GPATCH1: variants seen among roughly 807,000 people sequenced by gnomAD.
GPATCH1 encodes the protein G patch domain-containing protein 1.
GPATCH1 carries 73 observed loss-of-function variants against 114.9 expected under a neutral mutation model. The ratio of observed to expected loss-of-function variants is 0.64; its 90% CI spans 0.53 to 0.77. The LOEUF is 0.77. Ranked by LOEUF, GPATCH1 falls within the 30% of genes least tolerant of loss-of-function variation. The pLI, the probability that GPATCH1 is intolerant of heterozygous loss-of-function variation, is 0.00. For synonymous variants in GPATCH1, 391 were observed against 428.4 expected, an observed-to-expected ratio of 0.91 and a Z score of 1.08; for missense variants, 1,058 against 1,144.3, an observed-to-expected ratio of 0.92 and a Z score of 1.09.
At chr19:33,101,364 T>C in intron 8 of GPATCH1, 131 bp from the exon 9 acceptor site, 1 of 633,102 alleles carries the variant, frequency 1.6e-6, no homozygotes, top group Non-Finnish European at 2.8e-6. Context: ...CCTTTACTGC[T>C]GCTGTTGAGT....
intron 9 of GPATCH1, among the ~76,000 whole-genome samples, chr19:33,103,760 T>G (rs1007050992): frequency 7.2e-5 from 11 of 152,104 alleles, no homozygotes; most frequent in African/African-American, 2.7e-4. Flanking sequence ...AAGCACTCAC[T>G]GGTCCTTAGG....
chr19:33,111,472 G>A (rs1037806847), intron 11 of GPATCH1, among the ~76,000 whole-genome samples: 1 of 150,216 alleles, frequency 6.7e-6, no homozygotes, highest in Non-Finnish European at 1.5e-5. Context: ...TGACCCACCC[G>A]CCTCGGCCTC....
At chr19:33,091,997 C>T (rs1972601612) in intron 3 of GPATCH1, among the ~76,000 whole-genome samples, 1 of 152,034 alleles carries the variant, frequency 6.6e-6, no homozygotes, top group Admixed American at 6.6e-5. Context: ...CCAGGTGGCA[C>T]ATCCAGGATG....
chr19:33,100,835 C>A (rs796071174), intron 8 of GPATCH1, among the ~76,000 whole-genome samples: 1 of 150,800 alleles, frequency 6.6e-6, no homozygotes, highest in East Asian at 2.0e-4. Context: ...TTCATTTATA[C>A]GGACTTTTGG....
chr19:33,082,099 G>GGTT, intron 1 of GPATCH1, among the ~76,000 whole-genome samples: 1 of 151,490 alleles, frequency 6.6e-6, no homozygotes, highest in Non-Finnish European at 1.5e-5. Context: ...AAGAGGTCAG[G>GGTT]AGATGATGGT....
chr19:33,089,328 A>G (rs1972569323), intron 2 of GPATCH1, among the ~76,000 whole-genome samples: 1 of 152,208 alleles, frequency 6.6e-6, no homozygotes, highest in Non-Finnish European at 1.5e-5. Flanking sequence ...CTCTTCAGAC[A>G]CTGGGGACCA....
At chr19:33,126,564 C>A (rs761771750) in intron 18 of GPATCH1, 24 bp from the exon 19 acceptor site, 1 of 1,610,762 alleles carries the variant, frequency 6.2e-7, no homozygotes, top group Non-Finnish European at 8.5e-7. Context: ...TTTGTTTTCC[C>A]CCACCACTAT....
chr19:33,112,178 C>G (rs1599862064), intron 12 of GPATCH1, among the ~76,000 whole-genome samples: 1 of 152,214 alleles, frequency 6.6e-6, no homozygotes, highest in Admixed American at 6.5e-5. Context: ...ATTGGCCAGG[C>G]TGGTCTTGAA....
intron 18 of GPATCH1, among the ~76,000 whole-genome samples, chr19:33,126,144 T>A (rs1973038219): frequency 6.6e-6 from 1 of 152,230 alleles, no homozygotes; most frequent in Non-Finnish European, 1.5e-5. Context: ...CTGTGTGTCC[T>A]TACCAGTGTA....
At chr19:33,120,846 C>G (rs980025259) in intron 17 of GPATCH1, among the ~76,000 whole-genome samples, 3 of 151,666 alleles carry the variant, frequency 2.0e-5, no homozygotes, top group African/African-American at 7.3e-5. Context: ...AAAAATTAGC[C>G]GGACGTGGTG....
chr19:33,126,400 G>A (rs986942470), intron 18 of GPATCH1, among the ~76,000 whole-genome samples, 188 bp from the exon 19 acceptor site: 4 of 152,162 alleles, frequency 2.6e-5, no homozygotes, highest in Admixed American at 1.3e-4. Flanking sequence ...GTCAGGGTGC[G>A]CAGTTGAGAG....
chr19:33,115,768 T>G (rs935237350), intron 15 of GPATCH1, among the ~76,000 whole-genome samples: 7 of 152,214 alleles, frequency 4.6e-5, no homozygotes, highest in African/African-American at 1.4e-4. Flanking sequence ...GTGCTGGGAT[T>G]ACAGGCATAA....
Position 33,090,849 on chromosome 19 carries a change from A to G in GPATCH1, c.278A>G (p.Asp93Gly). The G allele has an allele frequency of 1.2e-6, 2 of 1,611,634 alleles. No homozygotes were observed. The highest frequency in any genetic ancestry group is 1.7e-6 in the Non-Finnish European group (2 of 1,177,892). The change falls in exon 3 of 20, where the codon GAT becomes GGT. Residue 93 changes from aspartate to glycine, a missense_variant. By Grantham distance (94) the Asp-to-Gly change is moderately conservative. Around this residue, in one of 3 missense-constraint regions of GPATCH1, gnomAD observed 34 missense variants for 59.6 expected, o/e 0.57. Transcript: ENST00000170564. ...GACAAATCTGTTCTTGGTCCTGAAG[A>G]TTTTATGGATGAAGAGGTGCGTGTG... is the stretch of plus-strand genomic sequence containing the variant. ...RADKSVLGPE[D>G]FMDEEDLSEF...
At position 33,119,107 on chromosome 19, in the gene GPATCH1, C is replaced by T; in HGVS notation, c.2511C>T (p.Val837=). The T allele has an allele frequency of 6.2e-7, 1 of 1,601,066 alleles. No homozygotes were observed. Among genetic ancestry groups the T allele is most frequent in the South Asian group, 1.1e-5 (1 of 90,530 alleles). Residue 837 remains valine (V), a synonymous_variant, in exon 17 of 20, where the codon GTC becomes GTT. Transcript: ENST00000170564. Reference sequence around the variant, plus strand: ...AGTTCGGCCCGCGGCTGCCTCCCGTCTTCTGCCCCAGTGAGTGCAGAGCCC... The same window carrying T: ...AGTTCGGCCCGCGGCTGCCTCCCGTTTTCTGCCCCAGTGAGTGCAGAGCCC... ...REEFGPRLPP[V]FCPNARQTLE... is the part of the protein sequence containing the mutation.
intron 16 of GPATCH1, among the ~76,000 whole-genome samples, chr19:33,118,370 G>A (rs1972940083): frequency 6.6e-6 from 1 of 151,382 alleles, no homozygotes; most frequent in South Asian, 2.1e-4. Flanking sequence ...GTAGAGATGG[G>A]GTTTCACCAT....
chr19:33,113,865 C>G lies in GPATCH1; in HGVS notation c.1991C>G (p.Ala664Gly), dbSNP rs139888183. The G allele has an allele frequency of 1.2e-5, 19 of 1,613,984 alleles. No homozygotes were observed. Among genetic ancestry groups the G allele is most frequent in the Non-Finnish European group, 1.4e-5 (17 of 1,179,972 alleles). The change falls in exon 14 of 20, where the codon GCA becomes GGA. Residue 664 changes from alanine (A) to glycine (G), a missense_variant. Ala to Gly is a moderately conservative substitution (Grantham distance 60, BLOSUM62 0). This residue lies in a region of GPATCH1 where 893 missense variants were observed against 977.4 expected (regional missense o/e 0.91). Coordinates refer to ENST00000170564, the MANE Select transcript of GPATCH1 (RefSeq NM_018025.3). ...PETASLPTTQ[A>G]SSEKVSQHRG... ...ACAGCTTCCTTGCCCACCACTCAAG[C>G]ATCAAGTGAAAAAGTATCACAGCAC... is the stretch of plus-strand genomic sequence containing the variant.
chr19:33,120,774 G>A (rs2145337551), intron 17 of GPATCH1, among the ~76,000 whole-genome samples: 1 of 152,078 alleles, frequency 6.6e-6, no homozygotes, highest in African/African-American at 2.4e-5. Context: ...CAGATCACGA[G>A]ATCAGGAGAT....
intron 15 of GPATCH1, among the ~76,000 whole-genome samples, chr19:33,117,085 A>T (rs1298916168): frequency 6.6e-6 from 1 of 151,980 alleles, no homozygotes; most frequent in East Asian, 1.9e-4. Flanking sequence ...GGTCCCAGCT[A>T]CTCAAGGGGC....
intron 2 of GPATCH1, among the ~76,000 whole-genome samples, chr19:33,088,837 T>G (rs1314772945): frequency 2.6e-5 from 4 of 151,476 alleles, no homozygotes; most frequent in Non-Finnish European, 5.9e-5. Flanking sequence ...TTTTTGTGTT[T>G]ATAGAGACAG....
Sources: allele counts gnomAD v4.1 joint callset (sites outside exome capture counted in the v4.1 genomes callset), GRCh38; gene constraint gnomAD v4.1.1; regional missense constraint gnomAD v4.1.1; transcripts MANE v1.5; gene names NCBI Gene and HGNC (gene_info 2026-07-23, HGNC 2026-07-21).